Variants in MID1 observed in about 807,000 individuals in gnomAD.
MID1 encodes the protein midline 1, also known as E3 ubiquitin-protein ligase Midline-1.
A neutral mutation model predicts 40.4 loss-of-function variants in MID1; 7 were observed. The observed-to-expected ratio is 0.17, with a 90% CI of 0.10 to 0.33. The LOEUF is 0.33. Ranked by LOEUF, MID1 falls within the 10% of genes least tolerant of loss-of-function variation. MID1 has a pLI of 1.00. For missense variants in MID1, 367 were observed against 558.5 expected, an observed-to-expected ratio of 0.66 and a Z score of 3.46; for synonymous variants, 229 against 221.2, an observed-to-expected ratio of 1.04 and a Z score of -0.31.
intron 1 of MID1, among the ~76,000 whole-genome samples, chrX:10,808,861 G>C (rs2044068806): frequency 8.9e-6 from 1 of 111,907 alleles, no homozygotes; most frequent in Non-Finnish European, 1.9e-5. Flanking sequence ...CAGGACATAG[G>C]CATGGGCAAG....
chrX:10,704,739 T>TACACACACACACACACAC (rs1189463440), intron 1 of MID1, among the ~76,000 whole-genome samples: 20 of 82,184 alleles, frequency 2.4e-4, no homozygotes, highest in African/African-American at 9.5e-4. Context: ...TATATATATA[T>TACACACACACACACACAC]ACACACACAC....
intron 1 of MID1, among the ~76,000 whole-genome samples, chrX:10,773,192 G>A (rs2043781326): frequency 8.9e-6 from 1 of 111,984 alleles, no homozygotes; most frequent in African/African-American, 3.2e-5. Context: ...AAATGCACAT[G>A]TAACCTATTA....
intron 1 of MID1, among the ~76,000 whole-genome samples, chrX:10,603,789 C>T (rs989516749): frequency 2.7e-5 from 3 of 111,549 alleles, no homozygotes; most frequent in Non-Finnish European, 5.6e-5. Flanking sequence ...TTGGAATGAG[C>T]CTCCTGAAGA....
intron 1 of MID1, chrX:10,677,515 CA>C (rs2043030429): frequency 8.9e-6 from 1 of 112,524 alleles, no homozygotes; most frequent in Non-Finnish European, 1.9e-5. Flanking sequence ...ACAGTGGAGA[CA>C]AGCAGATGGC....
intron 2 of MID1, among the ~76,000 whole-genome samples, chrX:10,538,860 A>G (rs1167382781): frequency 8.9e-6 from 1 of 112,469 alleles, no homozygotes. Context: ...GCAACCAAAG[A>G]TTTCCTGACT....
intron 1 of MID1, among the ~76,000 whole-genome samples, chrX:10,651,831 T>A (rs773967411): frequency 4.0e-4 from 45 of 111,469 alleles, no homozygotes; most frequent in South Asian, 1.1e-3. Context: ...TCCCACCATG[T>A]TGCCCAGGTT....
At chrX:10,505,963 G>A (rs1169604735) in intron 3 of MID1, 2 of 753,446 alleles carry the variant, frequency 2.7e-6, no homozygotes, top group African/African-American at 4.6e-5. Flanking sequence ...CTGCTCTTTG[G>A]TATTCCGTAC....
intron 1 of MID1, among the ~76,000 whole-genome samples, chrX:10,613,443 T>C (rs1464762965): frequency 1.8e-5 from 2 of 108,616 alleles, no homozygotes; most frequent in African/African-American, 3.4e-5. Context: ...AGACACGCTA[T>C]CTCAGTTCTG....
intron 1 of MID1, among the ~76,000 whole-genome samples, chrX:10,819,437 T>C (rs186278864): frequency 2.7e-5 from 3 of 112,064 alleles, no homozygotes; most frequent in Admixed American, 9.5e-5. Context: ...ACATCACATT[T>C]CTCTATTGCA....
At chrX:10,818,853 T>C (rs1040548003) in intron 1 of MID1, among the ~76,000 whole-genome samples, 1 of 111,928 alleles carries the variant, frequency 8.9e-6, no homozygotes, top group Non-Finnish European at 1.9e-5. Context: ...GGTTAGGAAG[T>C]TAAGTGTTAG....
At chrX:10,713,836 G>C (rs896410355) in intron 1 of MID1, among the ~76,000 whole-genome samples, 1 of 111,913 alleles carries the variant, frequency 8.9e-6, no homozygotes, top group Admixed American at 9.5e-5. Context: ...GCCAGGCCAG[G>C]GAGAGATGGG....
chrX:10,817,664 G>C (rs2044149014), intron 1 of MID1, among the ~76,000 whole-genome samples: 1 of 94,244 alleles, frequency 1.1e-5, no homozygotes, highest in Non-Finnish European at 2.1e-5. Flanking sequence ...TTGTCATCCA[G>C]GTTGGAGTGC....
At chrX:10,665,428 C>G (rs960588256) in intron 1 of MID1, among the ~76,000 whole-genome samples, 3 of 111,048 alleles carry the variant, frequency 2.7e-5, no homozygotes, top group African/African-American at 9.8e-5. Flanking sequence ...ACACGAACCT[C>G]GCAACACTCT....
intron 1 of MID1, among the ~76,000 whole-genome samples, chrX:10,711,388 T>C (rs924226313): frequency 1.8e-5 from 2 of 111,952 alleles, no homozygotes; most frequent in African/African-American, 6.5e-5. Flanking sequence ...CTCTGTAAAT[T>C]TGGGCTTTTA....
At chrX:10,521,983 G>A (rs145960221) in intron 3 of MID1, among the ~76,000 whole-genome samples, 49 of 111,664 alleles carry the variant, frequency 4.4e-4, no homozygotes, top group African/African-American at 1.4e-3. Flanking sequence ...GGGACCACAG[G>A]TGTGTGCTCC....
At chrX:10,791,830 A>G (rs1331887911) in intron 1 of MID1, among the ~76,000 whole-genome samples, 1 of 111,794 alleles carries the variant, frequency 8.9e-6, no homozygotes, top group African/African-American at 3.3e-5. Flanking sequence ...TATTTGCAAT[A>G]CTTCAGGTAA....
At position 10,447,064 on chromosome X, in the gene MID1, C is replaced by G. The variant is rs778992414; in HGVS notation, c.*2304G>C. On this transcript the variant is annotated 3_prime_UTR_variant, in exon 10 of 10. Coordinates refer to ENST00000317552, the MANE Select transcript of MID1 (RefSeq NM_000381.4). ...TCATTATAGTAATTAAACACGGTGG[C>G]CTTTCACCATATACATATTTTCCTG... 1.8e-5 allele frequency: 2 copies of G among 111,495 alleles called. No individual in the cohort carries two copies. The highest frequency in any genetic ancestry group is 3.8e-5 in the Non-Finnish European group (2 of 53,137). The allele number at this position is 111,495 out of a possible 1,213,427, so 9.2% of individuals were successfully genotyped here. A position where few individuals can be genotyped will look rare whatever the true frequency, so the allele number is the denominator to read the frequency against.
intron 8 of MID1, among the ~76,000 whole-genome samples, chrX:10,456,111 G>A (rs991666287): frequency 3.6e-5 from 4 of 112,241 alleles, no homozygotes; most frequent in African/African-American, 1.3e-4. Context: ...CTCAATCACA[G>A]GAAAAGGTCT....
At chrX:10,664,752 C>A (rs778621130) in intron 1 of MID1, among the ~76,000 whole-genome samples, 1 of 111,710 alleles carries the variant, frequency 9.0e-6, no homozygotes, top group Non-Finnish European at 1.9e-5. Context: ...GTAAAGCCTC[C>A]GTGATGGCTC....
Sources: allele counts gnomAD v4.1 joint callset (sites outside exome capture counted in the v4.1 genomes callset), GRCh38; gene constraint gnomAD v4.1.1; transcripts MANE v1.5; gene names NCBI Gene and HGNC (gene_info 2026-07-23, HGNC 2026-07-21).